ANKIB1: variants seen among roughly 807,000 people sequenced by gnomAD.
ANKIB1 encodes the protein ankyrin repeat and IBR domain containing 1, also known as ankyrin repeat and IBR domain-containing protein 1.
In ANKIB1, 43 loss-of-function variants were observed where a neutral mutation model predicts 122.1. The observed-to-expected ratio is 0.35, with a 90% CI of 0.28 to 0.45. The LOEUF (loss-of-function observed/expected upper bound fraction) is 0.45, where lower values mean the gene tolerates loss of function less well. Among genes scored for constraint, ANKIB1 ranks in the 20% least tolerant of loss-of-function variants. The pLI, the probability that ANKIB1 is intolerant of heterozygous loss-of-function variation, is 1.00. For synonymous variants in ANKIB1, 390 were observed against 442.0 expected, an observed-to-expected ratio of 0.88 and a Z score of 1.48; for missense variants, 992 against 1,329.5, an observed-to-expected ratio of 0.75 and a Z score of 3.95.
intron 1 of ANKIB1, among the ~76,000 whole-genome samples, chr7:92,255,409 G>A (rs558853952): frequency 1.9e-4 from 29 of 152,326 alleles, no homozygotes; most frequent in African/African-American, 6.3e-4. Context: ...AGCTGGTATA[G>A]TGGTTCCACA....
At chr7:92,291,821 T>A (rs1279572571) in intron 1 of ANKIB1, among the ~76,000 whole-genome samples, 8 of 152,220 alleles carry the variant, frequency 5.3e-5, no homozygotes, top group Non-Finnish European at 5.9e-5. Flanking sequence ...ATGATCTACC[T>A]GCCTCAGGCT....
At chr7:92,277,715 T>G (rs1308984602) in intron 1 of ANKIB1, among the ~76,000 whole-genome samples, 1 of 151,892 alleles carries the variant, frequency 6.6e-6, no homozygotes, top group Non-Finnish European at 1.5e-5. Context: ...GGGAGGCCAG[T>G]GCCAGAGGAT....
At chr7:92,278,585 A>C (rs1801951729) in intron 1 of ANKIB1, among the ~76,000 whole-genome samples, 1 of 152,214 alleles carries the variant, frequency 6.6e-6, no homozygotes. Context: ...GTTCTCACCC[A>C]GACTTTTTAT....
Position 92,246,268 on chromosome 7 carries a change from C to A in ANKIB1, c.-342C>A. 1 of 395,542 alleles carries A rather than the reference C, an allele frequency of 2.5e-6. No individual in the cohort carries two copies. The highest frequency in any genetic ancestry group is 1.8e-5 in the South Asian group (1 of 57,128). 24.5% of individuals were successfully genotyped at this position (395,542 alleles called of 1,614,324 possible). A position where few individuals can be genotyped will look rare whatever the true frequency, so the allele number is the denominator to read the frequency against. On this transcript the variant is annotated 5_prime_UTR_variant, in exon 1 of 20. Coordinates refer to ENST00000265742, the MANE Select transcript of ANKIB1 (RefSeq NM_019004.2). Reference sequence around the variant, plus strand: ...CGGAGAGGGATGGGGGGCGCCCACCCAGTCTGAGCCTCGCCGCGGGCGCCT... The same window carrying A: ...CGGAGAGGGATGGGGGGCGCCCACCAAGTCTGAGCCTCGCCGCGGGCGCCT...
At chr7:92,259,719 C>G (rs1801520597) in intron 1 of ANKIB1, among the ~76,000 whole-genome samples, 2 of 152,112 alleles carry the variant, frequency 1.3e-5, no homozygotes, top group African/African-American at 2.4e-5. Flanking sequence ...GTAACTTGTT[C>G]AAATATAAGC....
Position 92,263,772 on chromosome 7 carries a change from C to A in ANKIB1, c.-91+17253C>A, listed in dbSNP as rs558756302. Among the ~76,000 whole-genome samples, 50 of 152,256 alleles carry A rather than the reference C, an allele frequency of 3.3e-4. 1 individual carries two copies. The South Asian group carries it at 0.01, about 31-fold the overall frequency. On this transcript the variant is annotated intron_variant, in intron 1 of 19. Coordinates refer to ENST00000265742, the MANE Select transcript of ANKIB1 (RefSeq NM_019004.2). ...TACATGTATAGATATAGTTTACTTA[C>A]TCTTATGTTCAGTGTTACACTGTTG...
chr7:92,365,519 G>T (rs1804052540), intron 10 of ANKIB1, among the ~76,000 whole-genome samples: 1 of 152,160 alleles, frequency 6.6e-6, no homozygotes, highest in Non-Finnish European at 1.5e-5. Flanking sequence ...CAAGCATTGG[G>T]CACAAAGAGG....
chr7:92,256,310 G>C (rs1047773192), intron 1 of ANKIB1, among the ~76,000 whole-genome samples: 2 of 152,132 alleles, frequency 1.3e-5, no homozygotes, highest in Non-Finnish European at 2.9e-5. Flanking sequence ...AAATGGAATT[G>C]GACAAGATCA....
At chr7:92,359,875 A>C (rs558016019) in intron 9 of ANKIB1, among the ~76,000 whole-genome samples, 2 of 152,252 alleles carry the variant, frequency 1.3e-5, no homozygotes, top group South Asian at 2.1e-4. Context: ...CTTCTGCCTC[A>C]GCCTCCCGAG....
At chr7:92,338,927 A>AT (rs1803359291) in intron 5 of ANKIB1, among the ~76,000 whole-genome samples, 2 of 47,598 alleles carry the variant, frequency 4.2e-5, no homozygotes, top group African/African-American at 1.5e-4. Flanking sequence ...AAAAAAAAAA[A>AT]AAAAAAATAT....
At chr7:92,390,708 G>A (rs1031716884) in intron 15 of ANKIB1, among the ~76,000 whole-genome samples, 8 of 151,976 alleles carry the variant, frequency 5.3e-5, no homozygotes, top group African/African-American at 7.2e-5. Context: ...CATTTTCTCC[G>A]TAAAGCCTTC....
At chr7:92,291,307 A>C (rs961212832) in intron 1 of ANKIB1, among the ~76,000 whole-genome samples, 4 of 152,158 alleles carry the variant, frequency 2.6e-5, no homozygotes, top group African/African-American at 9.6e-5. Flanking sequence ...AAAAAAAAAA[A>C]AGAGTATAAT....
intron 1 of ANKIB1, among the ~76,000 whole-genome samples, chr7:92,264,357 A>C (rs1180436113): frequency 1.3e-5 from 2 of 151,658 alleles, no homozygotes; most frequent in African/African-American, 4.8e-5. Flanking sequence ...GAAGAAGGAG[A>C]ATATTTTCAG....
At chr7:92,394,165 T>G (rs1465771858) in intron 17 of ANKIB1, among the ~76,000 whole-genome samples, 1 of 152,202 alleles carries the variant, frequency 6.6e-6, no homozygotes, top group Non-Finnish European at 1.5e-5. Context: ...ATGTGGATGG[T>G]GATACCCCAT....
intron 1 of ANKIB1, among the ~76,000 whole-genome samples, chr7:92,266,017 A>G (rs1232943693): frequency 6.6e-6 from 1 of 152,226 alleles, no homozygotes; most frequent in Non-Finnish European, 1.5e-5. Flanking sequence ...TAGTTGAAGA[A>G]GTAGGTGTGG....
chr7:92,295,513 T>C (rs1802336227), intron 2 of ANKIB1, among the ~76,000 whole-genome samples: 1 of 152,206 alleles, frequency 6.6e-6, no homozygotes, highest in South Asian at 2.1e-4. Context: ...TTGATAATAA[T>C]GTATTTAATT....
In ANKIB1 at chr7:92,246,205, C is replaced by T. The variant is rs1260306749; in HGVS notation, c.-405C>T. On this transcript the variant is annotated 5_prime_UTR_variant, in exon 1 of 20. Coordinates refer to ENST00000265742, the MANE Select transcript of ANKIB1 (RefSeq NM_019004.2). ...GCGAGGCGGAGGCAAGAGCCACCGCCCCCTCTTCCCCTCCCCCGAGTGAGG... is the reference window on the plus strand; with the variant it reads ...GCGAGGCGGAGGCAAGAGCCACCGCTCCCTCTTCCCCTCCCCCGAGTGAGG... The T allele has an allele frequency of 8.2e-6, 3 of 367,782 alleles. No individual in the cohort carries two copies. Among genetic ancestry groups the T allele is most frequent in the Admixed American group, 9.0e-5 (2 of 22,126 alleles). 22.8% of individuals were successfully genotyped at this position (367,782 alleles called of 1,614,324 possible).
In ANKIB1 at chr7:92,295,160, T is replaced by C; in HGVS notation, c.182T>C (p.Ile61Thr). ...HYAARHGMNK[I>T]LGTFLGRDGN... Reference sequence around the variant, plus strand: ...GCTGCTAGACATGGAATGAATAAAATATTAGGGTAAGTATTACTATAAACT... The same window carrying C: ...GCTGCTAGACATGGAATGAATAAAACATTAGGGTAAGTATTACTATAAACT... Residue 61 changes from isoleucine (I) to threonine (T), a missense_variant, in exon 2 of 20, where the codon ATA (isoleucine) becomes ACA (threonine). This residue lies in a region of ANKIB1 where 54 missense variants were observed against 112.3 expected (regional missense o/e 0.48). Transcript: ENST00000265742. 6.5e-7 allele frequency: 1 copy of C among 1,545,492 alleles called. No homozygotes were observed. Among genetic ancestry groups the C allele is most frequent in the Non-Finnish European group, 8.7e-7 (1 of 1,143,602 alleles).
At chr7:92,267,341 A>G (rs2131888132) in intron 1 of ANKIB1, among the ~76,000 whole-genome samples, 1 of 152,336 alleles carries the variant, frequency 6.6e-6, no homozygotes, top group Middle Eastern at 3.4e-3. Context: ...CTAGATATAG[A>G]GAAATATAAC....
Sources: gnomAD v4.1 joint callset for allele counts (sites outside exome capture counted in the v4.1 genomes callset) on GRCh38, gnomAD v4.1.1 for gene constraint, gnomAD v4.1.1 regional missense constraint, MANE v1.5 for transcripts, NCBI Gene and HGNC (gene_info 2026-07-23, HGNC 2026-07-21) for gene names.